RBMS3: variants seen among roughly 807,000 people sequenced by gnomAD.
RBMS3 encodes the protein RNA binding motif single stranded interacting protein 3, also known as RNA-binding motif, single-stranded-interacting protein 3.
RBMS3 carries 27 observed loss-of-function variants against 66.8 expected under a neutral mutation model. The ratio of observed to expected loss-of-function variants is 0.40; its 90% confidence interval spans 0.30 to 0.56. The LOEUF is 0.56. Among genes scored for constraint, RBMS3 ranks in the 20% least tolerant of loss-of-function variants. The pLI is 0.40. For synonymous variants in RBMS3, 188 were observed against 183.0 expected, an observed-to-expected ratio of 1.03 and a Z score of -0.22; for missense variants, 513 against 549.5, an observed-to-expected ratio of 0.93 and a Z score of 0.66.
intron 4 of RBMS3, among the ~76,000 whole-genome samples, chr3:29,691,862 C>T (rs925988786): frequency 6.6e-6 from 1 of 150,822 alleles, no homozygotes; most frequent in African/African-American, 2.4e-5. Context: ...AGTTTATGTG[C>T]ATAGCTTTCA....
chr3:29,911,037 A>G (rs938162486), intron 10 of RBMS3, among the ~76,000 whole-genome samples: 1 of 152,050 alleles, frequency 6.6e-6, no homozygotes, highest in African/African-American at 2.4e-5. Context: ...ATGTTCATCT[A>G]TGGTTAACAG....
At position 29,717,801 on chromosome 3, in the gene RBMS3, C is replaced by T. The variant is rs145534444; in HGVS notation, c.400-21919C>T. Among the ~76,000 whole-genome samples, 49 of 152,218 alleles carry T rather than the reference C, an allele frequency of 3.2e-4. 1 individual carries two copies. The East Asian group carries it at 3.3e-3, about 10-fold the overall frequency. ...AAGGAGAAGCAGAAAAATGACTTAGCGGAGTGGCAAATTGATAATAACCCG... is the reference window on the plus strand; with the variant it reads ...AAGGAGAAGCAGAAAAATGACTTAGTGGAGTGGCAAATTGATAATAACCCG... On this transcript the variant is annotated intron_variant, in intron 4 of 14. Coordinates refer to ENST00000383767, the MANE Select transcript of RBMS3 (RefSeq NM_001003793.3).
At chr3:29,890,242 T>C (rs1394974475) in intron 8 of RBMS3, among the ~76,000 whole-genome samples, 1 of 151,640 alleles carries the variant, frequency 6.6e-6, no homozygotes, top group Non-Finnish European at 1.5e-5. Flanking sequence ...GTCACACAAA[T>C]ATATACTGTT....
chr3:30,004,829 C>A lies in RBMS3; in HGVS notation c.*967C>A, dbSNP rs1454077555. The A allele has an allele frequency of 1.3e-5, 2 of 149,806 alleles. No homozygotes were observed. Among genetic ancestry groups the A allele is most frequent in the Non-Finnish European group, 3.0e-5 (2 of 67,448 alleles). 9.3% of individuals were successfully genotyped at this position (149,806 alleles called of 1,614,324 possible). A position where few individuals can be genotyped will look rare whatever the true frequency, so the allele number is the denominator to read the frequency against. ...TTTTATCTGCAGTCTTTTTTATGAG[C>A]TTTACAAAGTTTTTAGTCAGCTTTG... On this transcript the variant is annotated 3_prime_UTR_variant, in exon 15 of 15. Coordinates refer to ENST00000383767, the MANE Select transcript of RBMS3 (RefSeq NM_001003793.3).
At chr3:29,964,367 A>G (rs528312635) in intron 12 of RBMS3, among the ~76,000 whole-genome samples, 1 of 152,300 alleles carries the variant, frequency 6.6e-6, no homozygotes, top group East Asian at 1.9e-4. Flanking sequence ...TCAGGTAAGA[A>G]AGTAGAGTGG....
At chr3:29,387,557 C>A (rs1330320241) in intron 1 of RBMS3, among the ~76,000 whole-genome samples, 1 of 152,054 alleles carries the variant, frequency 6.6e-6, no homozygotes, top group Non-Finnish European at 1.5e-5. Context: ...CTGCTTATAT[C>A]CCTGCCTCCC....
At chr3:29,973,112 A>T (rs1256757785) in intron 12 of RBMS3, among the ~76,000 whole-genome samples, 1 of 152,046 alleles carries the variant, frequency 6.6e-6, no homozygotes, top group Non-Finnish European at 1.5e-5. Context: ...GACTGATAAT[A>T]AATGTTGGTT....
chr3:29,402,191 C>T (rs2039841426), intron 1 of RBMS3, among the ~76,000 whole-genome samples: 1 of 151,936 alleles, frequency 6.6e-6, no homozygotes, highest in Non-Finnish European at 1.5e-5. Context: ...TTAGTAAATG[C>T]TGTGGCCTTC....
intron 1 of RBMS3, among the ~76,000 whole-genome samples, chr3:29,299,025 G>C (rs1029736047): frequency 2.6e-5 from 4 of 151,742 alleles, no homozygotes; most frequent in African/African-American, 9.7e-5. Flanking sequence ...ACAAAGGAGG[G>C]TAATCAAATG....
chr3:29,979,543 C>T lies in RBMS3; in HGVS notation c.1099-8600C>T, dbSNP rs561734015. Among the ~76,000 whole-genome samples, 328 of 152,214 alleles carry T rather than the reference C, an allele frequency of 2.2e-3. 1 individual carries two copies. Among genetic ancestry groups the T allele is most frequent in the Non-Finnish European group, 3.3e-3 (224 of 68,004 alleles). ...TGGTGGTTTGCTGCATCCATCAACC[C>T]GTCATCTACATTAGGTATTTCTCCT... On this transcript the variant is annotated intron_variant, in intron 12 of 14. Transcript: ENST00000383767.
At chr3:29,452,718 C>T (rs188032767) in intron 2 of RBMS3, among the ~76,000 whole-genome samples, 14 of 151,982 alleles carry the variant, frequency 9.2e-5, no homozygotes, top group Non-Finnish European at 1.9e-4. Context: ...ATGTAGGGGA[C>T]CTAGGTTATA....
chr3:29,502,432 G>A (rs1369517502), intron 3 of RBMS3, among the ~76,000 whole-genome samples: 1 of 152,054 alleles, frequency 6.6e-6, no homozygotes, highest in Non-Finnish European at 1.5e-5. Context: ...GATCCTGGAT[G>A]TTTTTAATGA....
intron 6 of RBMS3, among the ~76,000 whole-genome samples, chr3:29,787,171 TA>T (rs1055728557): frequency 5.9e-4 from 84 of 141,512 alleles, no homozygotes; most frequent in East Asian, 2.0e-3. Flanking sequence ...ATCAAAAACA[TA>T]AAAAAAAAAA....
chr3:29,540,637 C>T (rs1159848438), intron 3 of RBMS3, among the ~76,000 whole-genome samples: 6 of 152,102 alleles, frequency 3.9e-5, no homozygotes, highest in East Asian at 1.9e-4. Context: ...TAATCCTCCT[C>T]GTACAGATGA....
chr3:29,699,567 C>T (rs1365145695), intron 4 of RBMS3, among the ~76,000 whole-genome samples: 1 of 152,182 alleles, frequency 6.6e-6, no homozygotes, highest in Non-Finnish European at 1.5e-5. Context: ...GCACATACAA[C>T]TCTAAAAGCG....
intron 1 of RBMS3, among the ~76,000 whole-genome samples, chr3:29,361,699 T>G (rs2037601049): frequency 6.6e-6 from 1 of 152,224 alleles, no homozygotes; most frequent in South Asian, 2.1e-4. Context: ...CAGATGTAGA[T>G]TTGGTCTTTT....
At chr3:29,387,939 A>G (rs997359090) in intron 1 of RBMS3, among the ~76,000 whole-genome samples, 2 of 151,930 alleles carry the variant, frequency 1.3e-5, no homozygotes, top group African/African-American at 4.8e-5. Flanking sequence ...CTGGCCTCTT[A>G]CCTATTTCTT....
chr3:29,541,558 C>T (rs942144618), intron 3 of RBMS3, among the ~76,000 whole-genome samples: 13 of 152,222 alleles, frequency 8.5e-5, no homozygotes, highest in African/African-American at 1.2e-4. Flanking sequence ...CTCGTGTAAG[C>T]GCAGGTGTCT....
chr3:29,285,669 G>A (rs2032266638), intron 1 of RBMS3, among the ~76,000 whole-genome samples: 1 of 152,044 alleles, frequency 6.6e-6, no homozygotes, highest in African/African-American at 2.4e-5. Context: ...TATGAAGAAG[G>A]GGCCAGGTGT....
Sources: allele counts gnomAD v4.1 joint callset (sites outside exome capture counted in the v4.1 genomes callset), GRCh38; gene constraint gnomAD v4.1.1; transcripts MANE v1.5; gene names NCBI Gene and HGNC (gene_info 2026-07-23, HGNC 2026-07-21).